ESRRG: variants seen among roughly 807,000 people sequenced by gnomAD.
The protein encoded by ESRRG is estrogen related receptor gamma, also known as estrogen-related receptor gamma.
ESRRG carries 13 observed loss-of-function variants against 44.0 expected under a neutral mutation model. The ratio of observed to expected loss-of-function variants is 0.30; its 90% CI spans 0.19 to 0.47. ESRRG has a LOEUF of 0.47. Ranked by LOEUF, ESRRG falls within the 20% of genes least tolerant of loss-of-function variation. The pLI, the probability that ESRRG is intolerant of heterozygous loss-of-function variation, is 1.00. For synonymous variants in ESRRG, 215 were observed against 214.6 expected, an observed-to-expected ratio of 1.00 and a Z score of -0.02; for missense variants, 395 against 580.6, an observed-to-expected ratio of 0.68 and a Z score of 3.29.
chr1:217,021,406 C>T (rs2080305124), intron 1 of ESRRG, among the ~76,000 whole-genome samples: 1 of 152,152 alleles, frequency 6.6e-6, no homozygotes. Context: ...AGCTGCAAAG[C>T]CATGGACTCT....
Position 217,128,032 on chromosome 1 carries a change from G to C in ESRRG, c.-230+9635C>G, listed in dbSNP as rs112071516. Among the ~76,000 whole-genome samples, 568 of 152,242 alleles carry C rather than the reference G, an allele frequency of 3.7e-3. 1 individual carries two copies. Among genetic ancestry groups the C allele is most frequent in the Non-Finnish European group, 5.9e-3 (401 of 68,016 alleles). ...AGCCACACATGTGCTCGCTGGCCAC[G>C]CAAGAGCACTGTGCACAGGTACTTA... On this transcript the variant is annotated intron_variant, in intron 1 of 8. Coordinates refer to the ESRRG transcript ENST00000366940.
intron 3 of ESRRG, among the ~76,000 whole-genome samples, chr1:216,630,228 C>A (rs1013921629): frequency 6.6e-6 from 1 of 152,100 alleles, no homozygotes; most frequent in African/African-American, 2.4e-5. Context: ...TACTTTCATT[C>A]TCATTTTGTT....
At chr1:217,026,589 C>T (rs920578732) in intron 1 of ESRRG, among the ~76,000 whole-genome samples, 2 of 152,116 alleles carry the variant, frequency 1.3e-5, no homozygotes, top group African/African-American at 4.8e-5. Context: ...ACACATGTGG[C>T]TATCCGCTTG....
At chr1:216,867,855 T>G (rs1270373348) in intron 2 of ESRRG, among the ~76,000 whole-genome samples, 3 of 152,194 alleles carry the variant, frequency 2.0e-5, no homozygotes, top group Admixed American at 2.0e-4. Flanking sequence ...ATCACAAGAA[T>G]CGGGGTACAA....
intron 2 of ESRRG, among the ~76,000 whole-genome samples, chr1:216,834,176 G>A (rs2095529021): frequency 6.6e-6 from 1 of 152,174 alleles, no homozygotes; most frequent in South Asian, 2.1e-4. Flanking sequence ...TGAGGCAGGA[G>A]GATTCCTTGA....
intron 3 of ESRRG, among the ~76,000 whole-genome samples, chr1:216,626,302 C>T (rs191970005): frequency 2.1e-4 from 32 of 152,284 alleles, no homozygotes; most frequent in Admixed American, 1.6e-3. Flanking sequence ...TTCTCCTACC[C>T]TCGGCTTATT....
At chr1:216,912,052 T>C (rs549376248) in intron 2 of ESRRG, among the ~76,000 whole-genome samples, 1 of 148,336 alleles carries the variant, frequency 6.7e-6, no homozygotes, top group African/African-American at 2.5e-5. Context: ...TGAGCTGAGA[T>C]TGTCCCACAG....
intron 5 of ESRRG, among the ~76,000 whole-genome samples, chr1:216,563,865 GACAAAA>G (rs1402857681): frequency 2.0e-5 from 3 of 152,224 alleles, no homozygotes; most frequent in Non-Finnish European, 2.9e-5. Context: ...GGCTACCGCT[GACAAAA>G]ACATTTTTTA....
chr1:216,870,300 C>T (rs115250817), intron 2 of ESRRG, among the ~76,000 whole-genome samples: 2,461 of 147,080 alleles, frequency 0.017, 24 homozygotes, highest in Admixed American at 0.027. Context: ...TATCTAATAT[C>T]GAGACAGCCT....
At chr1:216,910,740 G>A (rs1398956299) in intron 2 of ESRRG, among the ~76,000 whole-genome samples, 1 of 152,182 alleles carries the variant, frequency 6.6e-6, no homozygotes, top group Non-Finnish European at 1.5e-5. Context: ...GACTCTATTG[G>A]TGGGGCCAAC....
chr1:216,820,509 A>T (rs2095262722), intron 2 of ESRRG, among the ~76,000 whole-genome samples: 1 of 152,108 alleles, frequency 6.6e-6, no homozygotes, highest in Non-Finnish European at 1.5e-5. Context: ...ACATGATATC[A>T]TCTTTTTTTT....
chr1:216,720,317 T>C (rs777622303), intron 1 of ESRRG, among the ~76,000 whole-genome samples: 4 of 152,072 alleles, frequency 2.6e-5, no homozygotes, highest in Non-Finnish European at 4.4e-5. Flanking sequence ...AGAGAAATCA[T>C]CTGAAAACTC....
intron 1 of ESRRG, among the ~76,000 whole-genome samples, chr1:217,011,515 G>A (rs1002627324): frequency 4.6e-5 from 7 of 152,196 alleles, no homozygotes; most frequent in Non-Finnish European, 4.4e-5. Flanking sequence ...CTACACATTA[G>A]CTAATTAGTT....
chr1:216,660,552 T>C (rs988109951), intron 2 of ESRRG, among the ~76,000 whole-genome samples: 1 of 152,260 alleles, frequency 6.6e-6, no homozygotes, highest in Non-Finnish European at 1.5e-5. Context: ...TCTAATCTTT[T>C]AAAAGTAATT....
intron 5 of ESRRG, among the ~76,000 whole-genome samples, chr1:216,539,448 C>T (rs1270005016): frequency 6.6e-6 from 1 of 151,958 alleles, no homozygotes; most frequent in Non-Finnish European, 1.5e-5. Flanking sequence ...GTCAGTTCCC[C>T]TTCCCCCCTA....
chr1:216,645,446 A>G (rs1413478167), intron 3 of ESRRG, among the ~76,000 whole-genome samples: 1 of 152,170 alleles, frequency 6.6e-6, no homozygotes, highest in Non-Finnish European at 1.5e-5. Context: ...ATATAATTTC[A>G]GATTTGAAGG....
At chr1:216,980,136 A>G (rs2073693475) in intron 1 of ESRRG, among the ~76,000 whole-genome samples, 1 of 152,124 alleles carries the variant, frequency 6.6e-6, no homozygotes, top group African/African-American at 2.4e-5. Context: ...TGGTTACTAA[A>G]TCCTACTTTT....
At chr1:217,014,807 C>A (rs1291801725) in intron 1 of ESRRG, among the ~76,000 whole-genome samples, 1 of 152,126 alleles carries the variant, frequency 6.6e-6, no homozygotes, top group Non-Finnish European at 1.5e-5. Flanking sequence ...TATCTCTATT[C>A]ATTTATTTAT....
chr1:216,560,156 T>C (rs1323186712), intron 5 of ESRRG, among the ~76,000 whole-genome samples: 3 of 152,186 alleles, frequency 2.0e-5, no homozygotes, highest in Non-Finnish European at 2.9e-5. Flanking sequence ...ATCTTCCTTA[T>C]GTAGTTTTCT....
Sources: allele counts gnomAD v4.1 joint callset (sites outside exome capture counted in the v4.1 genomes callset), GRCh38; gene constraint gnomAD v4.1.1; transcripts MANE v1.5; gene names NCBI Gene and HGNC (gene_info 2026-07-23, HGNC 2026-07-21).